The following TLE1 variants were observed in gnomAD, a reference collection of about 807,000 sequenced individuals.
TLE1 encodes TLE family member 1, transcriptional corepressor.
TLE1 carries 21 observed loss-of-function variants against 89.8 expected under a neutral mutation model. The observed-to-expected ratio is 0.23, with a 90% CI of 0.17 to 0.34. The LOEUF (loss-of-function observed/expected upper bound fraction) is 0.34. TLE1 is among the 10% of genes least tolerant of loss of function. The pLI is 1.00. For missense variants in TLE1, 795 were observed against 1,031.2 expected (o/e 0.77, Z 3.14); for synonymous variants, 447 against 407.6 (o/e 1.10, Z -1.16).
intron 4 of TLE1, among the ~76,000 whole-genome samples, chr9:81,684,626 T>C (rs1588271703): frequency 6.6e-6 from 1 of 152,236 alleles, no homozygotes; most frequent in Non-Finnish European, 1.5e-5. Context: ...CGGTCAGCCA[T>C]GCTCTTTAAT....
intron 6 of TLE1, among the ~76,000 whole-genome samples, chr9:81,636,646 G>A (rs1162599812): frequency 6.6e-6 from 1 of 152,082 alleles, no homozygotes; most frequent in African/African-American, 2.4e-5. Context: ...ACCAGAAGAT[G>A]ACTTCAGAGG....
chr9:81,608,582 A>AAT (rs1823278845), intron 14 of TLE1, among the ~76,000 whole-genome samples: 1 of 152,170 alleles, frequency 6.6e-6, no homozygotes, highest in African/African-American at 2.4e-5. Flanking sequence ...CAACCACATG[A>AAT]AGGCAAGGGT....
intron 6 of TLE1, among the ~76,000 whole-genome samples, chr9:81,642,609 G>A (rs1159935300): frequency 6.6e-6 from 1 of 152,078 alleles, no homozygotes; most frequent in East Asian, 1.9e-4. Context: ...CAGGAGAACT[G>A]CTTGAACCCA....
At chr9:81,615,372 A>G (rs972976459) in intron 11 of TLE1, among the ~76,000 whole-genome samples, 3 of 151,210 alleles carry the variant, frequency 2.0e-5, no homozygotes, top group African/African-American at 7.3e-5. Flanking sequence ...CCATTTGTCA[A>G]CTGGGAAGTT....
chr9:81,617,714 A>T (rs1563977405), intron 9 of TLE1, among the ~76,000 whole-genome samples: 1 of 150,900 alleles, frequency 6.6e-6, no homozygotes, highest in Non-Finnish European at 1.5e-5. Context: ...AAAAATAAAT[A>T]AAATAAAGCC....
intron 4 of TLE1, among the ~76,000 whole-genome samples, chr9:81,663,724 G>A (rs181734637): frequency 1.9e-3 from 281 of 150,144 alleles, no homozygotes; most frequent in African/African-American, 6.5e-3. Flanking sequence ...CCGGGTTCAC[G>A]CCATTCTCAC....
At chr9:81,628,039 T>G (rs573915335) in intron 8 of TLE1, among the ~76,000 whole-genome samples, 7 of 152,136 alleles carry the variant, frequency 4.6e-5, no homozygotes, top group Non-Finnish European at 8.8e-5. Flanking sequence ...GGCAACATAC[T>G]GAGACTCTGA....
intron 14 of TLE1, among the ~76,000 whole-genome samples, chr9:81,595,814 CAAA>C (rs11301991): frequency 6.6e-5 from 7 of 106,650 alleles, no homozygotes; most frequent in Admixed American, 9.6e-5. Flanking sequence ...GACTCTGTCT[CAAA>C]AAAAAAAAAA....
At chr9:81,630,160 C>T (rs1344548216) in intron 8 of TLE1, among the ~76,000 whole-genome samples, 2 of 151,718 alleles carry the variant, frequency 1.3e-5, no homozygotes, top group African/African-American at 2.4e-5. Context: ...GTAAGGAGTT[C>T]GTCTTATTTA....
At chr9:81,610,324 C>A in intron 13 of TLE1, 28 bp from the exon 14 acceptor site, 2 of 1,581,434 alleles carry the variant, frequency 1.3e-6, no homozygotes, top group African/African-American at 2.7e-5. Flanking sequence ...GCATTGCAGA[C>A]TCAGTTTATT....
chr9:81,606,973 C>G (rs1355544352), intron 14 of TLE1, among the ~76,000 whole-genome samples: 1 of 150,860 alleles, frequency 6.6e-6, no homozygotes, highest in African/African-American at 2.4e-5. Context: ...CCTGTAGTCC[C>G]AGCACTTTGG....
intron 4 of TLE1, among the ~76,000 whole-genome samples, chr9:81,680,943 A>C (rs562464357): frequency 9.9e-5 from 14 of 140,896 alleles, no homozygotes; most frequent in Non-Finnish European, 2.1e-4. Flanking sequence ...AAAAAAAAAC[A>C]AAAAAAACAC....
intron 4 of TLE1, among the ~76,000 whole-genome samples, chr9:81,658,683 A>G (rs1027423500): frequency 1.3e-5 from 2 of 152,174 alleles, no homozygotes; most frequent in African/African-American, 4.8e-5. Context: ...GAGGGTACAC[A>G]GCTTACCCAA....
chr9:81,587,840 A>C lies in TLE1; in HGVS notation c.1830-12T>G. 1 of 1,610,734 alleles carries C rather than the reference A, an allele frequency of 6.2e-7. No homozygotes were observed. Among genetic ancestry groups the C allele is most frequent in the Non-Finnish European group, 8.5e-7 (1 of 1,178,392 alleles). ...GGCCCTGGAATTGCCTGATAAAACAAACCAGATTGAATAATGATTTCCTGC... is the reference window on the plus strand; with the variant it reads ...GGCCCTGGAATTGCCTGATAAAACACACCAGATTGAATAATGATTTCCTGC... On this transcript the variant is annotated splice_polypyrimidine_tract_variant and intron_variant, in intron 16 of 19. Coordinates refer to ENST00000376499, the MANE Select transcript of TLE1 (RefSeq NM_005077.5).
At chr9:81,597,708 A>G (rs1226518684) in intron 14 of TLE1, among the ~76,000 whole-genome samples, 1 of 152,226 alleles carries the variant, frequency 6.6e-6, no homozygotes, top group Non-Finnish European at 1.5e-5. Flanking sequence ...ATCGAAAAGA[A>G]TAAAGCCCAC....
chr9:81,671,461 A>G (rs904411084), intron 4 of TLE1, among the ~76,000 whole-genome samples: 2 of 152,010 alleles, frequency 1.3e-5, no homozygotes, highest in African/African-American at 4.8e-5. Context: ...CCTGACCAAC[A>G]TGGTGAAACC....
At chr9:81,615,854 C>T in intron 11 of TLE1, 128 bp downstream of exon 11, 1 of 1,162,458 alleles carries the variant, frequency 8.6e-7, no homozygotes, top group Non-Finnish European at 1.2e-6. Flanking sequence ...GGATGAGTTT[C>T]ACTATTAAAC....
At chr9:81,621,449 A>G (rs1161467063) in intron 8 of TLE1, among the ~76,000 whole-genome samples, 2 of 152,186 alleles carry the variant, frequency 1.3e-5, no homozygotes, top group African/African-American at 2.4e-5. Flanking sequence ...ACTGCCCTGA[A>G]CAATGTTGAA....
rs561764598 is a variant in TLE1 at position 81,642,722 on chromosome 9, A to AGAAAG, written c.373-8426_373-8422dup. On this transcript the variant is annotated intron_variant, in intron 6 of 19. Coordinates refer to ENST00000376499, the MANE Select transcript of TLE1 (RefSeq NM_005077.5). ...AAATGAAAGAAAAGAAAGAAAGGAA[A>AGAAAG]GAAAGAAAGAAAGAGAGAGAAAATG... Among the ~76,000 whole-genome samples the AGAAAG allele has an allele frequency of 6.3e-4, 94 of 149,486 alleles. No individual in the cohort carries two copies. The South Asian group carries it at 6.9e-3, about 11-fold the overall frequency.
Sources: allele counts gnomAD v4.1 joint callset (sites outside exome capture counted in the v4.1 genomes callset), GRCh38; gene constraint gnomAD v4.1.1; transcripts MANE v1.5; gene names NCBI Gene and HGNC (gene_info 2026-07-23, HGNC 2026-07-21).